Variants in PDS5A observed in about 807,000 individuals in gnomAD.
PDS5A encodes the protein sister chromatid cohesion protein PDS5 homolog A.
A neutral mutation model predicts 167.1 loss-of-function variants in PDS5A; 42 were observed. That is an observed-to-expected ratio of 0.25 (90% CI 0.20 to 0.33). The LOEUF (loss-of-function observed/expected upper bound fraction) is 0.33, where lower values mean the gene tolerates loss of function less well. Among genes scored for constraint, PDS5A ranks in the 10% least tolerant of loss-of-function variants. The pLI is 1.00. For synonymous variants in PDS5A, 553 were observed against 554.6 expected (o/e 1.00, Z 0.04); for missense variants, 1,033 against 1,605.9 (o/e 0.64, Z 6.10).
At chr4:39,869,044 C>T (rs1719791259) in intron 22 of PDS5A, among the ~76,000 whole-genome samples, 1 of 152,154 alleles carries the variant, frequency 6.6e-6, no homozygotes, top group Non-Finnish European at 1.5e-5. Flanking sequence ...ATTAAGATTG[C>T]TTTAGCAGGC....
At chr4:39,861,467 TAA>T in intron 26 of PDS5A, among the ~76,000 whole-genome samples, 1 of 151,766 alleles carries the variant, frequency 6.6e-6, no homozygotes, top group East Asian at 1.9e-4. Context: ...CGGAAAAAAA[TAA>T]AGAGAGAGAG....
At chr4:39,898,229 T>C in intron 16 of PDS5A, 160 bp downstream of exon 16, 1 of 1,301,750 alleles carries the variant, frequency 7.7e-7, no homozygotes, top group African/African-American at 1.5e-5. Context: ...GAGTGAATGG[T>C]AAATAGAGAA....
At chr4:39,855,024 A>G (rs1421454018) in intron 26 of PDS5A, among the ~76,000 whole-genome samples, 1 of 152,260 alleles carries the variant, frequency 6.6e-6, no homozygotes, top group Non-Finnish European at 1.5e-5. Flanking sequence ...ATTCAAATAC[A>G]TTATTACTGA....
Position 39,925,837 on chromosome 4 carries a change from T to A in PDS5A, c.526A>T (p.Asn176Tyr). 1 of 1,301,280 alleles carries A rather than the reference T, an allele frequency of 7.7e-7. No homozygotes were observed. Among genetic ancestry groups the A allele is most frequent in the Non-Finnish European group, 1.1e-6 (1 of 927,570 alleles). 80.6% of individuals were successfully genotyped at this position (1,301,280 alleles called of 1,614,324 possible). ...AGAAATGCTTAAAAAATAACTTACTTGATCACTGAGAAGAGAGTTCTAAAA... is the reference window on the plus strand; with the variant it reads ...AGAAATGCTTAAAAAATAACTTACTAGATCACTGAGAAGAGAGTTCTAAAA... ...QLFRTLFSVINNSHNKKVQMH... is the reference protein window; with the variant it reads ...QLFRTLFSVIYNSHNKKVQMH... Residue 176 changes from asparagine (N) to tyrosine (Y), a missense_variant and splice_region_variant, in exon 5 of 33, where the codon AAC becomes TAC. Transcript: ENST00000303538.
At chr4:39,909,404 C>G (rs73229705) in intron 10 of PDS5A, among the ~76,000 whole-genome samples, 1 of 152,016 alleles carries the variant, frequency 6.6e-6, no homozygotes, top group Non-Finnish European at 1.5e-5. Flanking sequence ...GGATTACACG[C>G]GTGAGCCACC....
intron 25 of PDS5A, 92 bp downstream of exon 25, chr4:39,862,777 C>T: frequency 1.3e-6 from 1 of 752,322 alleles, no homozygotes; most frequent in Non-Finnish European, 2.2e-6. Flanking sequence ...TTATTATAAA[C>T]TATAATAGAA....
At chr4:39,968,227 T>C (rs1045366442) in intron 2 of PDS5A, among the ~76,000 whole-genome samples, 1 of 151,970 alleles carries the variant, frequency 6.6e-6, no homozygotes, top group South Asian at 2.1e-4. Flanking sequence ...GTGCTGGAAA[T>C]ACAGGCATAA....
At chr4:39,934,784 T>G (rs1010215399) in intron 2 of PDS5A, among the ~76,000 whole-genome samples, 2 of 152,038 alleles carry the variant, frequency 1.3e-5, no homozygotes, top group African/African-American at 4.8e-5. Flanking sequence ...ATAAATATTT[T>G]TTTGAGACAA....
intron 2 of PDS5A, among the ~76,000 whole-genome samples, chr4:39,972,468 C>T (rs1013801311): frequency 1.3e-5 from 2 of 152,034 alleles, no homozygotes; most frequent in African/African-American, 4.8e-5. Context: ...TGCAGTGAGC[C>T]AAGATTGCAC....
At chr4:39,911,735 G>A (rs1294040674) in intron 9 of PDS5A, among the ~76,000 whole-genome samples, 4 of 151,552 alleles carry the variant, frequency 2.6e-5, no homozygotes, top group African/African-American at 7.3e-5. Flanking sequence ...GGGAGGCTGA[G>A]GCAGGAGAAT....
At chr4:39,898,732 C>A in intron 15 of PDS5A, 45 bp downstream of exon 15, 1 of 1,194,638 alleles carries the variant, frequency 8.4e-7, no homozygotes, top group Non-Finnish European at 1.2e-6. Flanking sequence ...ACTTTGTCTG[C>A]ATTTACGTTT....
At chr4:39,908,311 T>C (rs1283165664) in intron 11 of PDS5A, 84 bp downstream of exon 11, 2 of 1,028,130 alleles carry the variant, frequency 1.9e-6, no homozygotes, top group Admixed American at 1.9e-5. Context: ...CAGAAAGACA[T>C]TAAATGTAAC....
chr4:39,952,143 A>G (rs1728463838), intron 2 of PDS5A, among the ~76,000 whole-genome samples: 1 of 151,874 alleles, frequency 6.6e-6, no homozygotes, highest in South Asian at 2.1e-4. Flanking sequence ...CAGCATGGCC[A>G]ACATTGTGAA....
intron 2 of PDS5A, among the ~76,000 whole-genome samples, chr4:39,930,735 A>G (rs567525473): frequency 6.6e-6 from 1 of 152,272 alleles, no homozygotes; most frequent in African/African-American, 2.4e-5. Context: ...TAGTATATCA[A>G]AAGTGTGATA....
At chr4:39,971,184 A>C (rs1730500544) in intron 2 of PDS5A, among the ~76,000 whole-genome samples, 1 of 143,830 alleles carries the variant, frequency 7.0e-6, no homozygotes, top group Admixed American at 6.9e-5. Context: ...TTCGAGACAG[A>C]GTCGCGCTTT....
chr4:39,976,894 C>T (rs542186332), intron 1 of PDS5A, among the ~76,000 whole-genome samples: 1 of 152,276 alleles, frequency 6.6e-6, no homozygotes, highest in South Asian at 2.1e-4. Flanking sequence ...TGAAATCCAC[C>T]CCCGAGCACC....
chr4:39,895,187 G>A, intron 16 of PDS5A, among the ~76,000 whole-genome samples: 1 of 121,852 alleles, frequency 8.2e-6, no homozygotes, highest in East Asian at 2.4e-4. Context: ...GGGCGACAGT[G>A]AGACTCCGTC....
chr4:39,913,389 T>C (rs1208010494), intron 9 of PDS5A, among the ~76,000 whole-genome samples: 1 of 152,186 alleles, frequency 6.6e-6, no homozygotes, highest in Non-Finnish European at 1.5e-5. Flanking sequence ...ATGACATTAT[T>C]TTAACACAAA....
At chr4:39,904,610 G>A (rs937392063) in intron 11 of PDS5A, among the ~76,000 whole-genome samples, 1 of 152,216 alleles carries the variant, frequency 6.6e-6, no homozygotes, top group Non-Finnish European at 1.5e-5. Flanking sequence ...GGGATTACAG[G>A]CGTGAGCCAC....
Sources: gnomAD v4.1 joint callset for allele counts (sites outside exome capture counted in the v4.1 genomes callset) on GRCh38, gnomAD v4.1.1 for gene constraint, MANE v1.5 for transcripts, NCBI Gene and HGNC (gene_info 2026-07-23, HGNC 2026-07-21) for gene names.